Variants in ZNF57 observed in about 807,000 individuals in gnomAD.
ZNF57 encodes the protein zinc finger protein 424.
Under a neutral mutation model 13.4 loss-of-function variants are expected in ZNF57, and 11 were observed. The ratio of observed to expected loss-of-function variants is 0.82; its 90% CI spans 0.52 to 1.36. The LOEUF is 1.36. ZNF57 is among the 40% of genes most tolerant of loss of function. The pLI, the probability that ZNF57 is intolerant of heterozygous loss-of-function variation, is 0.00. For missense variants in ZNF57, 696 were observed against 667.5 expected (o/e 1.04, Z -0.47); for synonymous variants, 224 against 238.5 (o/e 0.94, Z 0.56).
chr19:2,913,042 C>T lies in ZNF57; in HGVS notation c.4-2480C>T, dbSNP rs184610748. 1.1e-3 allele frequency among the ~76,000 whole-genome samples: 164 copies of T among 152,306 alleles called. 2 individuals are homozygous for T. Among genetic ancestry groups the T allele is most frequent in the Non-Finnish European group, 1.7e-3 (119 of 68,032 alleles). On this transcript the variant is annotated intron_variant, in intron 1 of 3. Coordinates refer to ENST00000306908, the MANE Select transcript of ZNF57 (RefSeq NM_173480.3). ...GATCTCGGCTCACTGCAACCTCTGC[C>T]TCCTGGGTTCAAGCGATTCTCCCTC...
chr19:2,916,035 C>A (rs779555212), intron 2 of ZNF57, 43 bp from the exon 3 acceptor site: 5 of 1,580,548 alleles, frequency 3.2e-6, no homozygotes, highest in African/African-American at 1.4e-5. Context: ...TTGCTTAATA[C>A]GTGTCTTATT....
In ZNF57 at chr19:2,900,964, C is replaced by A; in HGVS notation, c.-82C>A. ...GCGTGCCCTGCCTACCACGAGCGGC[C>A]CGGGAGTACCTGTACCTTTCAGCTG... is the stretch of plus-strand genomic sequence containing the variant. On this transcript the variant is annotated 5_prime_UTR_variant, in exon 1 of 4. Transcript: ENST00000306908. 1 of 1,534,660 alleles carries A rather than the reference C, an allele frequency of 6.5e-7. No homozygotes were observed. The highest frequency in any genetic ancestry group is 8.8e-7 in the Non-Finnish European group (1 of 1,136,182).
Position 2,915,596 on chromosome 19 carries a change from G to A in ZNF57, c.78G>A (p.Arg26=), listed in dbSNP as rs1315876029. ...EEWALLDSAQ[R]DLYRDVMLET... is the part of the protein sequence containing the mutation. ...GGGCTTTGCTGGATTCTGCTCAGAGGGACCTCTACAGAGATGTGATGCTGG... is the reference window on the plus strand; with the variant it reads ...GGGCTTTGCTGGATTCTGCTCAGAGAGACCTCTACAGAGATGTGATGCTGG... Residue 26 remains arginine, a synonymous_variant, in exon 2 of 4, where the codon AGG becomes AGA. Transcript: ENST00000306908. The A allele has an allele frequency of 4.3e-6, 7 of 1,614,032 alleles. No homozygotes were observed. The South Asian group carries it at 6.6e-5, about 15-fold the overall frequency.
At position 2,915,506 on chromosome 19, in the gene ZNF57, G is replaced by A. The variant is rs1249103394; in HGVS notation, c.4-16G>A. On this transcript the variant is annotated splice_polypyrimidine_tract_variant and intron_variant, in intron 1 of 3. Coordinates refer to ENST00000306908, the MANE Select transcript of ZNF57 (RefSeq NM_173480.3). Reference sequence around the variant, plus strand: ...GTGTCTCCAATCCTCCTGCACACCTGTGTGGTTTGTCTTAGGACTCAGTGG... The same window carrying A: ...GTGTCTCCAATCCTCCTGCACACCTATGTGGTTTGTCTTAGGACTCAGTGG... The A allele has an allele frequency of 1.2e-6, 2 of 1,612,916 alleles. No individual in the cohort carries two copies. Among genetic ancestry groups the A allele is most frequent in the Non-Finnish European group, 1.7e-6 (2 of 1,179,246 alleles).
chr19:2,915,678 T>G, intron 2 of ZNF57, 30 bp downstream of exon 2: 1 of 1,613,310 alleles, frequency 6.2e-7, no homozygotes, highest in South Asian at 1.1e-5. Context: ...TTCCCTTGGT[T>G]TTTAATGAAC....
chr19:2,915,457 G>C, intron 1 of ZNF57, 65 bp from the exon 2 acceptor site: 1 of 1,572,200 alleles, frequency 6.4e-7, no homozygotes, highest in East Asian at 2.3e-5. Flanking sequence ...TTTATGAATT[G>C]AGTCCAGTTC....
chr19:2,901,681 C>T (rs557096297), intron 1 of ZNF57, among the ~76,000 whole-genome samples: 23 of 152,136 alleles, frequency 1.5e-4, no homozygotes, highest in Admixed American at 1.4e-3. Context: ...CCCTCACGCC[C>T]GGCTAATTTT....
At chr19:2,915,478 T>G (rs769057232) in intron 1 of ZNF57, 44 bp from the exon 2 acceptor site, 40 of 1,598,718 alleles carry the variant, frequency 2.5e-5, no homozygotes, top group Non-Finnish European at 3.2e-5. Flanking sequence ...CCCAGTACTT[T>G]CAGTGTCTCC....
At position 2,917,456 on chromosome 19, in the gene ZNF57, C is replaced by T; in HGVS notation, c.835C>T (p.Pro279Ser). The T allele has an allele frequency of 6.2e-7, 1 of 1,614,170 alleles. No individual in the cohort carries two copies. The highest frequency in any genetic ancestry group is 1.1e-5 in the South Asian group (1 of 91,080). The change falls in exon 4 of 4, where the codon CCC (proline) becomes TCC (serine). Residue 279 changes from proline to serine, a missense_variant. Around this residue, in one of 3 missense-constraint regions of ZNF57, gnomAD observed 645 missense variants for 591.5 expected, o/e 1.09. Transcript: ENST00000306908. ...RHMTTHTGEK[P>S]YKCQHCGKAF... ...CATGACAACACACACTGGAGAGAAG[C>T]CCTATAAATGTCAGCACTGTGGGAA...
At chr19:2,910,989 G>T (rs1297424251) in intron 1 of ZNF57, among the ~76,000 whole-genome samples, 1 of 151,790 alleles carries the variant, frequency 6.6e-6, no homozygotes, top group Non-Finnish European at 1.5e-5. Context: ...TGCATGTTTT[G>T]TGTGATTCCA....
chr19:2,915,493 C>T (rs748998481), intron 1 of ZNF57, 29 bp from the exon 2 acceptor site: 54 of 1,609,644 alleles, frequency 3.4e-5, no homozygotes, highest in Non-Finnish European at 4.4e-5. Context: ...GTCTCCAATC[C>T]TCCTGCACAC....
In ZNF57 at chr19:2,905,416, C is replaced by CG. The variant is rs954979940; in HGVS notation, c.3+4368_3+4369insG. Among the ~76,000 whole-genome samples, 225 of 74,132 alleles carry CG rather than the reference C, an allele frequency of 3.0e-3. 60 individuals are homozygous for CG. The highest frequency in any genetic ancestry group is 9.9e-3 in the African/African-American group (211 of 21,404). The allele number at this position is 74,132 out of a possible 152,430, so 48.6% of individuals were successfully genotyped here. ...TTGACTTCAGGTGATCGCCCCCCCC[C>CG]CCTCGGCATTCCAAAGTATTTGCAT... On this transcript the variant is annotated intron_variant, in intron 1 of 3. Transcript: ENST00000306908.
At chr19:2,908,919 ATTCTTTTG>A (rs1400735913) in intron 1 of ZNF57, among the ~76,000 whole-genome samples, 2 of 150,028 alleles carry the variant, frequency 1.3e-5, no homozygotes, top group Non-Finnish European at 3.0e-5. Flanking sequence ...TTTCCTTTTT[ATTCTTTTG>A]TTCTTTTGAC....
At chr19:2,903,319 C>G (rs2088044894) in intron 1 of ZNF57, among the ~76,000 whole-genome samples, 1 of 152,138 alleles carries the variant, frequency 6.6e-6, no homozygotes, top group Non-Finnish European at 1.5e-5. Flanking sequence ...TCAAGCAATT[C>G]TCCTGCCTCA....
intron 1 of ZNF57, among the ~76,000 whole-genome samples, chr19:2,905,718 T>C (rs991433982): frequency 2.1e-5 from 3 of 146,178 alleles, no homozygotes; most frequent in Admixed American, 1.4e-4. Context: ...TGAGCTGAGA[T>C]TGCGCCACTG....
At chr19:2,908,163 G>A (rs796663711) in intron 1 of ZNF57, among the ~76,000 whole-genome samples, 5 of 152,238 alleles carry the variant, frequency 3.3e-5, no homozygotes, top group African/African-American at 1.2e-4. Flanking sequence ...TGGAATCTTG[G>A]TAAAAATCTT....
chr19:2,909,287 T>TTTTA (rs1555677948), intron 1 of ZNF57, among the ~76,000 whole-genome samples: 2 of 134,148 alleles, frequency 1.5e-5, no homozygotes, highest in South Asian at 5.1e-4. Context: ...TTTTGTTTTT[T>TTTTA]TTTTTTTTTT....
At chr19:2,914,190 A>G (rs1225682346) in intron 1 of ZNF57, among the ~76,000 whole-genome samples, 1 of 152,232 alleles carries the variant, frequency 6.6e-6, no homozygotes, top group Non-Finnish European at 1.5e-5. Context: ...CTCAACTAAA[A>G]AAGAAAAAAG....
Position 2,900,961 on chromosome 19 carries a change from G to T in ZNF57, c.-85G>T. ...CGCGCGTGCCCTGCCTACCACGAGC[G>T]GCCCGGGAGTACCTGTACCTTTCAG... On this transcript the variant is annotated 5_prime_UTR_variant, in exon 1 of 4. Transcript: ENST00000306908. The T allele has an allele frequency of 1.3e-6, 2 of 1,524,040 alleles. No homozygotes were observed. The highest frequency in any genetic ancestry group is 8.9e-7 in the Non-Finnish European group (1 of 1,129,016). The allele number at this position is 1,524,040 out of a possible 1,614,324, so 94.4% of individuals were successfully genotyped here.
Sources: gnomAD v4.1 joint callset for allele counts (sites outside exome capture counted in the v4.1 genomes callset) on GRCh38, gnomAD v4.1.1 for gene constraint, gnomAD v4.1.1 regional missense constraint, MANE v1.5 for transcripts, NCBI Gene and HGNC (gene_info 2026-07-23, HGNC 2026-07-21) for gene names.